Variants in LRP6 observed in about 807,000 individuals in gnomAD.
The protein encoded by LRP6 is LDL receptor related protein 6.
In LRP6, 43 loss-of-function variants were observed where a neutral mutation model predicts 184.1. The observed-to-expected ratio is 0.23, with a 90% CI of 0.18 to 0.30. The LOEUF (loss-of-function observed/expected upper bound fraction) is 0.30. LRP6 is among the 10% of genes least tolerant of loss of function. The pLI is 1.00. For missense variants in LRP6, 1,571 were observed against 2,005.3 expected (o/e 0.78, Z 4.14); for synonymous variants, 719 against 684.9 (o/e 1.05, Z -0.78).
chr12:12,223,988 T>A (rs1229731092), intron 2 of LRP6, among the ~76,000 whole-genome samples: 1 of 152,226 alleles, frequency 6.6e-6, no homozygotes, highest in Non-Finnish European at 1.5e-5. Flanking sequence ...TCAACCAATG[T>A]ACACTACAAG....
intron 2 of LRP6, among the ~76,000 whole-genome samples, chr12:12,230,914 G>A (rs1345602737): frequency 1.3e-5 from 2 of 152,052 alleles, no homozygotes; most frequent in Non-Finnish European, 2.9e-5. Flanking sequence ...CAGGCGCAGT[G>A]GCTCACGCCT....
intron 2 of LRP6, among the ~76,000 whole-genome samples, chr12:12,216,748 G>C (rs1427199569): frequency 1.3e-5 from 2 of 151,396 alleles, no homozygotes; most frequent in African/African-American, 4.9e-5. Flanking sequence ...CCTCTTTCCA[G>C]ACTTCCCATC....
intron 1 of LRP6, among the ~76,000 whole-genome samples, chr12:12,266,409 G>A (rs752245540): frequency 3.5e-4 from 54 of 152,272 alleles, no homozygotes; most frequent in Non-Finnish European, 6.2e-4. Context: ...GACAGCATGG[G>A]GTGCCAAGGG....
intron 1 of LRP6, among the ~76,000 whole-genome samples, chr12:12,252,501 G>T: frequency 6.6e-6 from 1 of 152,126 alleles, no homozygotes; most frequent in Non-Finnish European, 1.5e-5. Context: ...TTATTAATAG[G>T]GATATTTTGG....
At chr12:12,170,411 C>T (rs1374557634) in intron 7 of LRP6, among the ~76,000 whole-genome samples, 1 of 151,758 alleles carries the variant, frequency 6.6e-6, no homozygotes, top group Non-Finnish European at 1.5e-5. Flanking sequence ...TTTCTCTCAA[C>T]CTGTAATCAA....
chr12:12,233,708 A>G (rs1864851316), intron 2 of LRP6, among the ~76,000 whole-genome samples: 1 of 152,234 alleles, frequency 6.6e-6, no homozygotes, highest in South Asian at 2.1e-4. Flanking sequence ...TGAACAGACT[A>G]ATTTATAACA....
chr12:12,159,665 G>C, intron 11 of LRP6, 115 bp downstream of exon 11: 1 of 947,996 alleles, frequency 1.1e-6, no homozygotes, highest in Admixed American at 1.9e-5. Context: ...AACAGAAGAA[G>C]AATGGACACA....
rs1341816114 is a variant in LRP6 at position 12,125,416 on chromosome 12, T to C, written c.4329A>G (p.Lys1443=). 1.2e-6 allele frequency: 2 copies of C among 1,613,860 alleles called. No homozygotes were observed. The highest frequency in any genetic ancestry group is 1.7e-6 in the Non-Finnish European group (2 of 1,179,970). Residue 1443 remains lysine (K), a synonymous_variant, in exon 21 of 23, where the codon AAA becomes AAG. Transcript: ENST00000261349. ...TGATACTGAGGGAGCTGATCATTGATTTACCTCGAGACATTCCTAAAATAA... is the reference window on the plus strand; with the variant it reads ...TGATACTGAGGGAGCTGATCATTGACTTACCTCGAGACATTCCTAAAATAA... ...SGSLPGMSRG[K]SMISSLSIMG...
At chr12:12,136,091 G>A (rs1029234903) in intron 16 of LRP6, among the ~76,000 whole-genome samples, 1 of 152,044 alleles carries the variant, frequency 6.6e-6, no homozygotes, top group Non-Finnish European at 1.5e-5. Context: ...GGAGGCTGAG[G>A]CATAAGAATT....
intron 2 of LRP6, among the ~76,000 whole-genome samples, chr12:12,205,105 G>C (rs1164604540): frequency 6.6e-6 from 1 of 151,606 alleles, no homozygotes; most frequent in Non-Finnish European, 1.5e-5. Context: ...GAGGTGGGTG[G>C]ATCACTTCAG....
chr12:12,166,104 AC>A (rs1862871708), intron 7 of LRP6, among the ~76,000 whole-genome samples: 1 of 152,274 alleles, frequency 6.6e-6, no homozygotes, highest in East Asian at 1.9e-4. Context: ...TATATCTGAT[AC>A]CTTTTTTGGG....
chr12:12,266,583 T>C, intron 1 of LRP6, 98 bp downstream of exon 1: 4 of 712,742 alleles, frequency 5.6e-6, no homozygotes, highest in South Asian at 3.5e-5. Context: ...TCCTCTCCCC[T>C]TCTCCCTTCC....
intron 6 of LRP6, 90 bp from the exon 7 acceptor site, chr12:12,180,071 A>G: frequency 9.6e-7 from 1 of 1,040,712 alleles, no homozygotes; most frequent in Non-Finnish European, 1.5e-6. Flanking sequence ...CTCCTATTAC[A>G]CTGGTATCAT....
Position 12,148,988 on chromosome 12 carries a change from C to A in LRP6, c.3160G>T (p.Gly1054Cys). The change falls in exon 14 of 23, where the codon GGC becomes TGC. Residue 1054 changes from glycine to cysteine, a missense_variant. Gly to Cys is a radical substitution (Grantham distance 159, BLOSUM62 -3). Transcript: ENST00000261349. ...DGRSVGVVLK[G>C]EQDRPRAVVV... is the part of the protein sequence containing the mutation. ...ACGGCTCGAGGTCTGTCCTGCTCGC[C>A]TTTCAGCACCACTCCAACTGATCTC... The A allele has an allele frequency of 2.5e-6, 4 of 1,614,004 alleles. No individual in the cohort carries two copies. Among genetic ancestry groups the A allele is most frequent in the Non-Finnish European group, 3.4e-6 (4 of 1,179,980 alleles).
At chr12:12,256,467 C>T (rs1232312311) in intron 1 of LRP6, among the ~76,000 whole-genome samples, 2 of 151,758 alleles carry the variant, frequency 1.3e-5, no homozygotes, top group East Asian at 1.9e-4. Flanking sequence ...GCAATGATCG[C>T]GCCACTGCAC....
At chr12:12,226,588 T>C (rs1179041440) in intron 2 of LRP6, 1 of 152,202 alleles carries the variant, frequency 6.6e-6, no homozygotes, top group African/African-American at 2.4e-5. Flanking sequence ...AATCTGAGCT[T>C]GGGAATATGT....
intron 2 of LRP6, among the ~76,000 whole-genome samples, chr12:12,229,293 C>T (rs555936695): frequency 6.6e-6 from 1 of 151,298 alleles, no homozygotes; most frequent in South Asian, 2.1e-4. Flanking sequence ...TCGCTTGAAC[C>T]CGCAAGGCGG....
intron 12 of LRP6, among the ~76,000 whole-genome samples, chr12:12,157,767 C>T (rs1270416476): frequency 1.3e-5 from 2 of 152,142 alleles, no homozygotes; most frequent in Non-Finnish European, 2.9e-5. Context: ...CCCTACACCC[C>T]TCCCATAATC....
chr12:12,209,345 T>TA (rs1864146864), intron 2 of LRP6, among the ~76,000 whole-genome samples: 1 of 152,230 alleles, frequency 6.6e-6, no homozygotes, highest in South Asian at 2.1e-4. Context: ...TAGTAATGAA[T>TA]AAAAGTATTT....
Sources: allele counts gnomAD v4.1 joint callset (sites outside exome capture counted in the v4.1 genomes callset), GRCh38; gene constraint gnomAD v4.1.1; transcripts MANE v1.5; gene names NCBI Gene and HGNC (gene_info 2026-07-23, HGNC 2026-07-21).